FGD4: variants seen among roughly 807,000 people sequenced by gnomAD.
FGD4 encodes FYVE, RhoGEF and PH domain containing 4, also known as FYVE, RhoGEF and PH domain-containing protein 4.
Under a neutral mutation model 102.0 loss-of-function variants are expected in FGD4, and 42 were observed. The observed-to-expected ratio is 0.41, with a 90% CI of 0.32 to 0.53. The LOEUF is 0.53. FGD4 is among the 20% of genes least tolerant of loss of function. The pLI, the probability that FGD4 is intolerant of heterozygous loss-of-function variation, is 0.21. For missense variants in FGD4, 902 were observed against 1,078.2 expected (o/e 0.84, Z 2.29); for synonymous variants, 380 against 375.7 (o/e 1.01, Z -0.13).
intron 1 of FGD4, among the ~76,000 whole-genome samples, chr12:32,440,782 G>A (rs1276906095): frequency 6.6e-6 from 1 of 152,194 alleles, no homozygotes; most frequent in Non-Finnish European, 1.5e-5. Flanking sequence ...ACAGCCAGAA[G>A]TCAGGAACTA....
chr12:32,521,159 C>T (rs886981597), intron 1 of FGD4, among the ~76,000 whole-genome samples: 5 of 151,800 alleles, frequency 3.3e-5, no homozygotes, highest in Non-Finnish European at 7.4e-5. Context: ...GAGTCCGAGG[C>T]GGGTGGATCA....
chr12:32,545,348 T>C (rs1452485584), intron 1 of FGD4, among the ~76,000 whole-genome samples: 1 of 152,176 alleles, frequency 6.6e-6, no homozygotes, highest in African/African-American at 2.4e-5. Context: ...TTGCCCAAGG[T>C]CACACCACTA....
rs1950095887 is a variant in FGD4, at chr12:32,625,387, A to T, written c.2047-267A>T. 2.0e-5 allele frequency among the ~76,000 whole-genome samples: 3 copies of T among 148,384 alleles called. 1 individual carries two copies. In the South Asian group the frequency reaches 6.3e-4, roughly 31 times the overall value. The stretch of plus-strand genomic sequence containing the variant: ...CGGGTTCAAGCGATTTTCCTGCCTT[A>T]GCCTCCCGAGTAGCTGGGATTATAC... On this transcript the variant is annotated intron_variant, in intron 13 of 16. Transcript: ENST00000534526.
intron 1 of FGD4, among the ~76,000 whole-genome samples, chr12:32,421,822 T>G (rs1941636306): frequency 1.3e-5 from 2 of 152,108 alleles, no homozygotes; most frequent in Admixed American, 6.6e-5. Flanking sequence ...AAACTGGATT[T>G]TAGTTCACAG....
At chr12:32,591,764 A>G (rs935484360) in intron 4 of FGD4, among the ~76,000 whole-genome samples, 1 of 152,194 alleles carries the variant, frequency 6.6e-6, no homozygotes, top group African/African-American at 2.4e-5. Context: ...CAGGACTGAC[A>G]CTGCAGTACA....
chr12:32,412,028 C>T (rs1043025693), intron 1 of FGD4, among the ~76,000 whole-genome samples: 2 of 152,166 alleles, frequency 1.3e-5, no homozygotes, highest in African/African-American at 4.8e-5. Context: ...TTAACGTGCA[C>T]ACGTGAGAAT....
intron 13 of FGD4, 85 bp downstream of exon 13, chr12:32,625,153 C>T: frequency 2.5e-6 from 3 of 1,189,232 alleles, no homozygotes; most frequent in Non-Finnish European, 3.7e-6. Flanking sequence ...GTTCTCCAAC[C>T]TTTTCCCTTT....
Position 32,486,175 on chromosome 12 carries a change from A to C in FGD4, c.167-77962A>C, listed in dbSNP as rs192755581. 1.3e-5 allele frequency: 20 copies of C among 1,521,134 alleles called. No individual in the cohort carries two copies. In the African/African-American group the frequency reaches 2.6e-4, roughly 20 times the overall value. The allele number at this position is 1,521,134 out of a possible 1,614,324, so 94.2% of individuals were successfully genotyped here. ...ATTGTTTTGCAATTGCCATTTCTGAAATATCTCAGGTTAAAACATTTGGAT... is the reference window on the plus strand; with the variant it reads ...ATTGTTTTGCAATTGCCATTTCTGACATATCTCAGGTTAAAACATTTGGAT... On this transcript the variant is annotated intron_variant, in intron 1 of 16. Coordinates refer to ENST00000534526, the MANE Select transcript of FGD4 (RefSeq NM_001370298.3).
intron 1 of FGD4, among the ~76,000 whole-genome samples, chr12:32,428,368 T>C (rs2136430865): frequency 6.6e-6 from 1 of 152,360 alleles, no homozygotes; most frequent in Admixed American, 6.5e-5. Context: ...AATTCTTTAC[T>C]TTAAGAATGT....
chr12:32,606,699 T>G (rs955343559), intron 7 of FGD4, among the ~76,000 whole-genome samples: 1 of 152,236 alleles, frequency 6.6e-6, no homozygotes, highest in South Asian at 2.1e-4. Flanking sequence ...CTTTGATGCT[T>G]TGCAGTACCC....
At chr12:32,623,802 T>C (rs145009758) in intron 11 of FGD4, among the ~76,000 whole-genome samples, 1 of 152,212 alleles carries the variant, frequency 6.6e-6, no homozygotes, top group African/African-American at 2.4e-5. Flanking sequence ...TCAAAGAAAT[T>C]TGTTTTCTAA....
intron 10 of FGD4, among the ~76,000 whole-genome samples, chr12:32,617,059 A>G (rs1242078924): frequency 6.6e-6 from 1 of 152,154 alleles, no homozygotes; most frequent in Non-Finnish European, 1.5e-5. Context: ...CCATTCCTGG[A>G]TTAATTCATA....
At position 32,571,147 on chromosome 12, in the gene FGD4, A is replaced by G. The variant is rs542308587; in HGVS notation, c.320-5119A>G. ...TAAATATGAATTTGTTTTATGAAAT[A>G]GTGATTTTCCTTAAGAGTTGAATGT... On this transcript the variant is annotated intron_variant, in intron 2 of 16. Transcript: ENST00000534526. 3.3e-5 allele frequency among the ~76,000 whole-genome samples: 5 copies of G among 152,288 alleles called. No homozygotes were observed. In the Middle Eastern group the frequency reaches 0.01, roughly 311 times the overall value.
chr12:32,564,433 T>A lies in FGD4; in HGVS notation c.319+144T>A, dbSNP rs1305161510. Reference sequence around the variant, plus strand: ...TATTTTTTAGAGAAGAGTCCATCTGTGCATCTTCTCAGGCAGAGGTTGCTA... The same window carrying A: ...TATTTTTTAGAGAAGAGTCCATCTGAGCATCTTCTCAGGCAGAGGTTGCTA... On this transcript the variant is annotated intron_variant, in intron 2 of 16. Transcript: ENST00000534526. 4.8e-6 allele frequency: 5 copies of A among 1,042,438 alleles called. No individual in the cohort carries two copies. In the African/African-American group the frequency reaches 8.1e-5, roughly 17 times the overall value. 64.6% of individuals were successfully genotyped at this position (1,042,438 alleles called of 1,614,324 possible). A position where few individuals can be genotyped will look rare whatever the true frequency, so the allele number is the denominator to read the frequency against.
intron 12 of FGD4, 30 bp downstream of exon 12, chr12:32,624,482 C>CTTTT: frequency 7.4e-6 from 10 of 1,344,132 alleles, no homozygotes; most frequent in East Asian, 2.7e-5. Flanking sequence ...CCTTTTCTTT[C>CTTTT]TTTTTTTTTT....
chr12:32,473,318 C>G (rs190853580), intron 1 of FGD4, among the ~76,000 whole-genome samples: 5,764 of 151,830 alleles, frequency 0.038, 167 homozygotes, highest in South Asian at 0.12. Context: ...CTACTGCTCA[C>G]TTTTTGGGTC....
rs181368005 is a variant in FGD4 at position 32,457,244 on chromosome 12, A to T, written c.166+57285A>T. Reference sequence around the variant, plus strand: ...GTATTCCATTTTAACATTGTTTATAATTTTTTTTTTAACTAGAAATCAGAG... The same window carrying T: ...GTATTCCATTTTAACATTGTTTATATTTTTTTTTTTAACTAGAAATCAGAG... On this transcript the variant is annotated intron_variant, in intron 1 of 16. Transcript: ENST00000534526. Among the ~76,000 whole-genome samples the T allele has an allele frequency of 3.3e-3, 495 of 151,064 alleles. 4 individuals carry two copies. Among genetic ancestry groups the T allele is most frequent in the African/African-American group, 0.011 (472 of 41,174 alleles).
intron 1 of FGD4, among the ~76,000 whole-genome samples, chr12:32,527,479 G>C (rs1264049586): frequency 6.6e-6 from 1 of 152,036 alleles, no homozygotes; most frequent in Non-Finnish European, 1.5e-5. Flanking sequence ...GTCCAGGCTG[G>C]AGCGCAGTGG....
chr12:32,602,946 T>C (rs533864602), intron 7 of FGD4, among the ~76,000 whole-genome samples: 58 of 152,214 alleles, frequency 3.8e-4, no homozygotes, highest in Non-Finnish European at 1.5e-4. Flanking sequence ...TTCCTCTAAT[T>C]GTCAAATGAT....
Sources: gnomAD v4.1 joint callset for allele counts (sites outside exome capture counted in the v4.1 genomes callset) on GRCh38, gnomAD v4.1.1 for gene constraint, MANE v1.5 for transcripts, NCBI Gene and HGNC (gene_info 2026-07-23, HGNC 2026-07-21) for gene names.